Variants in ME3 observed in about 807,000 individuals in gnomAD.
ME3 encodes NADP-dependent malic enzyme, mitochondrial.
Under a neutral mutation model 68.9 loss-of-function variants are expected in ME3, and 48 were observed. That is an observed-to-expected ratio of 0.70 (90% CI 0.55 to 0.89). The LOEUF is 0.89. Among genes scored for constraint, ME3 ranks in the 40% least tolerant of loss-of-function variants. The pLI is 0.00. For missense variants in ME3, 675 were observed against 797.4 expected, an observed-to-expected ratio of 0.85 and a Z score of 1.85; for synonymous variants, 320 against 318.8, an observed-to-expected ratio of 1.00 and a Z score of -0.04.
chr11:86,487,101 T>C (rs549788606), intron 7 of ME3, among the ~76,000 whole-genome samples: 2 of 152,280 alleles, frequency 1.3e-5, no homozygotes, highest in South Asian at 4.1e-4. Flanking sequence ...GATCACAGCC[T>C]TCAGCCATCA....
intron 2 of ME3, among the ~76,000 whole-genome samples, chr11:86,602,579 T>C (rs1960883848): frequency 6.6e-6 from 1 of 152,048 alleles, no homozygotes; most frequent in African/African-American, 2.4e-5. Context: ...ACCAATGACT[T>C]TCTTCAGAGA....
intron 4 of ME3, among the ~76,000 whole-genome samples, chr11:86,536,868 A>C (rs1186349125): frequency 6.6e-6 from 1 of 152,214 alleles, no homozygotes; most frequent in African/African-American, 2.4e-5. Flanking sequence ...TCACAATAGC[A>C]AAGATTTGGA....
At chr11:86,530,884 G>A (rs934039418) in intron 4 of ME3, among the ~76,000 whole-genome samples, 43 of 131,946 alleles carry the variant, frequency 3.3e-4, no homozygotes, top group Non-Finnish European at 4.7e-4. Flanking sequence ...TAGACCTAAA[G>A]CCATAAAAAC....
At chr11:86,458,199 C>T (rs1222904247) in intron 8 of ME3, among the ~76,000 whole-genome samples, 1 of 152,178 alleles carries the variant, frequency 6.6e-6, no homozygotes, top group African/African-American at 2.4e-5. Flanking sequence ...TTGTTCTGGG[C>T]CTTCTCTGGG....
chr11:86,493,638 G>A (rs1299285471), intron 6 of ME3, among the ~76,000 whole-genome samples: 1 of 152,254 alleles, frequency 6.6e-6, no homozygotes, highest in Non-Finnish European at 1.5e-5. Context: ...GGCTGAGCAG[G>A]CGCTCCCTTC....
At chr11:86,521,567 G>A (rs2139189777) in intron 4 of ME3, among the ~76,000 whole-genome samples, 1 of 152,094 alleles carries the variant, frequency 6.6e-6, no homozygotes, top group South Asian at 2.1e-4. Flanking sequence ...ATTTTCAGGT[G>A]GAATTTAAGA....
chr11:86,532,361 A>T (rs1387962822), intron 4 of ME3, among the ~76,000 whole-genome samples: 1 of 152,210 alleles, frequency 6.6e-6, no homozygotes, highest in East Asian at 1.9e-4. Context: ...ACTTTGAACA[A>T]AATGGATCTA....
rs1343739622 is a variant in ME3 at position 86,594,045 on chromosome 11, C to T, written c.184-34222G>A. Reference sequence around the variant, plus strand: ...TAAGCACCGACTAGGTACTGGATACCATTATAAACTGACGATACAGTAATA... The same window carrying T: ...TAAGCACCGACTAGGTACTGGATACTATTATAAACTGACGATACAGTAATA... On this transcript the variant is annotated intron_variant, in intron 2 of 14. Transcript: ENST00000543262. Among the ~76,000 whole-genome samples the T allele has an allele frequency of 2.7e-5, 4 of 146,038 alleles. 1 individual carries two copies. The highest frequency in any genetic ancestry group is 4.5e-4 in the South Asian group (2 of 4,442).
chr11:86,647,778 A>G (rs1192548547), intron 2 of ME3, among the ~76,000 whole-genome samples: 1 of 152,196 alleles, frequency 6.6e-6, no homozygotes, highest in African/African-American at 2.4e-5. Flanking sequence ...AGACCTACAA[A>G]GAGACTTAGA....
chr11:86,649,527 T>G (rs1945257771), intron 2 of ME3, among the ~76,000 whole-genome samples: 1 of 152,204 alleles, frequency 6.6e-6, no homozygotes, highest in African/African-American at 2.4e-5. Flanking sequence ...TCGGATTGTC[T>G]CTGTTTGCAG....
At chr11:86,577,298 C>A in intron 2 of ME3, among the ~76,000 whole-genome samples, 1 of 152,222 alleles carries the variant, frequency 6.6e-6, no homozygotes, top group East Asian at 1.9e-4. Flanking sequence ...ATGCACACAC[C>A]TCCTAGGGTC....
intron 4 of ME3, among the ~76,000 whole-genome samples, chr11:86,544,794 C>T (rs1239820249): frequency 6.6e-6 from 1 of 152,170 alleles, no homozygotes; most frequent in African/African-American, 2.4e-5. Flanking sequence ...GGGACCGCTC[C>T]CTAACTCATT....
chr11:86,454,003 G>T (rs1949780673), intron 8 of ME3, among the ~76,000 whole-genome samples: 1 of 152,172 alleles, frequency 6.6e-6, no homozygotes, highest in South Asian at 2.1e-4. Context: ...CTCTATTAAA[G>T]CAAGTGGTAT....
In ME3 at chr11:86,571,632, C is replaced by T. The variant is rs537871544; in HGVS notation, c.184-11809G>A. Among the ~76,000 whole-genome samples the T allele has an allele frequency of 3.8e-4, 58 of 152,274 alleles. 1 individual carries two copies. Among genetic ancestry groups the T allele is most frequent in the African/African-American group, 1.3e-3 (52 of 41,552 alleles). ...ACTGTATTGGACAGTGCAGATCTTT[C>T]CCACATGGCGGATCACTCCCAGCCT... On this transcript the variant is annotated intron_variant, in intron 2 of 14. Coordinates refer to ENST00000543262, the Ensembl canonical transcript of ME3.
At chr11:86,667,582 G>A (rs557176871) in intron 2 of ME3, among the ~76,000 whole-genome samples, 1 of 152,336 alleles carries the variant, frequency 6.6e-6, no homozygotes, top group East Asian at 1.9e-4. Context: ...CAGAGCTAAT[G>A]CCATGTGACA....
chr11:86,660,347 C>T (rs1594816673), intron 2 of ME3, among the ~76,000 whole-genome samples: 1 of 152,214 alleles, frequency 6.6e-6, no homozygotes, highest in Non-Finnish European at 1.5e-5. Flanking sequence ...CACAGGGCTT[C>T]ACAATGTGTT....
At position 86,655,820 on chromosome 11, in the gene ME3, A is replaced by C. The variant is rs914098819; in HGVS notation, c.183+15942T>G. Among the ~76,000 whole-genome samples the C allele has an allele frequency of 7.9e-5, 12 of 152,106 alleles. No individual in the cohort carries two copies. In the East Asian group the frequency reaches 1.5e-3, roughly 20 times the overall value. On this transcript the variant is annotated intron_variant, in intron 2 of 14. Coordinates refer to ENST00000543262, the Ensembl canonical transcript of ME3. ...ATCAGAGTGAACAGGCAACCTACAA[A>C]ATGGGAGAAAATTTTCGCAACCTAC... is the stretch of plus-strand genomic sequence containing the variant.
chr11:86,659,507 A>C (rs1399703808), intron 2 of ME3, among the ~76,000 whole-genome samples: 1 of 152,212 alleles, frequency 6.6e-6, no homozygotes, highest in Non-Finnish European at 1.5e-5. Context: ...CCCAAAGCCT[A>C]AATGCTAGTC....
At chr11:86,462,791 C>T (rs1277088184) in intron 8 of ME3, 4 of 436,530 alleles carry the variant, frequency 9.2e-6, no homozygotes, top group African/African-American at 4.0e-5. Context: ...AGAGAACTGA[C>T]AGAGGGGAAC....
Sources: gnomAD v4.1 joint callset for allele counts (sites outside exome capture counted in the v4.1 genomes callset) on GRCh38, gnomAD v4.1.1 for gene constraint, MANE v1.5 for transcripts, NCBI Gene and HGNC (gene_info 2026-07-23, HGNC 2026-07-21) for gene names.